The following EBF1 variants were observed in gnomAD, a reference collection of about 807,000 sequenced individuals.
EBF1 encodes the protein transcription factor COE1.
A neutral mutation model predicts 68.4 loss-of-function variants in EBF1; 10 were observed. That is an observed-to-expected ratio of 0.15 (90% CI 0.09 to 0.25). EBF1 has a LOEUF of 0.25. Among genes scored for constraint, EBF1 ranks in the 10% least tolerant of loss-of-function variants. The pLI is 1.00. For synonymous variants in EBF1, 298 were observed against 299.8 expected, an observed-to-expected ratio of 0.99 and a Z score of 0.06; for missense variants, 509 against 794.4, an observed-to-expected ratio of 0.64 and a Z score of 4.32.
In EBF1 at chr5:158,713,043, C is replaced by T; in HGVS notation, c.1296G>A (p.Gly432=). 1 of 1,596,638 alleles carries T rather than the reference C, an allele frequency of 6.3e-7. No individual in the cohort carries two copies. Among genetic ancestry groups the T allele is most frequent in the South Asian group, 1.1e-5 (1 of 88,240 alleles). Reference sequence around the variant, plus strand: ...CACTGAACGAATTCACGCCCATCATCCCTGCGTGGACCGAGGTGTTAGCAA... The same window carrying T: ...CACTGAACGAATTCACGCCCATCATTCCTGCGTGGACCGAGGTGTTAGCAA... The part of the protein sequence containing the change: ...PALANTSVHA[G]MMGVNSFSGQ... The change falls in exon 13 of 16, where the codon GGG becomes GGA. Residue 432 remains glycine, a synonymous_variant. Coordinates refer to ENST00000313708, the MANE Select transcript of EBF1 (RefSeq NM_024007.5).
chr5:159,085,932 G>A (rs1780565699), intron 4 of EBF1, among the ~76,000 whole-genome samples: 1 of 152,084 alleles, frequency 6.6e-6, no homozygotes, highest in South Asian at 2.1e-4. Context: ...GAGAACTGTG[G>A]TTATGGTATC....
chr5:158,703,517 T>C (rs1414936894), intron 15 of EBF1, among the ~76,000 whole-genome samples: 2 of 151,662 alleles, frequency 1.3e-5, no homozygotes, highest in Admixed American at 1.3e-4. Flanking sequence ...GAGCACCACA[T>C]TCTAAATGTT....
intron 5 of EBF1, among the ~76,000 whole-genome samples, chr5:159,074,378 T>C (rs1190071833): frequency 1.3e-5 from 2 of 152,208 alleles, no homozygotes; most frequent in Non-Finnish European, 2.9e-5. Context: ...AAAAACAAGA[T>C]CTGCACCAGG....
At position 158,884,335 on chromosome 5, in the gene EBF1, C is replaced by A. The variant is rs536115678; in HGVS notation, c.555-44225G>T. Among the ~76,000 whole-genome samples, 29 of 152,150 alleles carry A rather than the reference C, an allele frequency of 1.9e-4. No homozygotes were observed. The South Asian group carries it at 5.6e-3, about 29-fold the overall frequency. On this transcript the variant is annotated intron_variant, in intron 6 of 15. Coordinates refer to ENST00000313708, the MANE Select transcript of EBF1 (RefSeq NM_024007.5). ...GACTCTAACAAGTACTTGATTATAC[C>A]CTCTTTTGTAGATGAGAAATATGAA...
chr5:159,078,649 C>T (rs1393611464), intron 5 of EBF1, among the ~76,000 whole-genome samples: 1 of 152,152 alleles, frequency 6.6e-6, no homozygotes, highest in Non-Finnish European at 1.5e-5. Context: ...AAAAGCAGGC[C>T]ACTGTTTACA....
intron 6 of EBF1, among the ~76,000 whole-genome samples, chr5:158,918,600 CTG>C (rs572896193): frequency 8.3e-4 from 126 of 152,346 alleles, no homozygotes; most frequent in African/African-American, 2.8e-3. Context: ...CAGTGGAACA[CTG>C]TGTGTATAGT....
At chr5:158,715,422 G>A (rs1760438344) in intron 11 of EBF1, among the ~76,000 whole-genome samples, 2 of 152,080 alleles carry the variant, frequency 1.3e-5, no homozygotes, top group Admixed American at 1.3e-4. Context: ...ATACATATTA[G>A]CATTTTTCAA....
At chr5:158,976,120 G>T (rs892265424) in intron 6 of EBF1, among the ~76,000 whole-genome samples, 1 of 152,170 alleles carries the variant, frequency 6.6e-6, no homozygotes, top group Non-Finnish European at 1.5e-5. Flanking sequence ...TCCTTTTTAT[G>T]TAACACATGA....
chr5:159,002,154 A>C (rs533083552), intron 6 of EBF1, among the ~76,000 whole-genome samples: 87 of 142,004 alleles, frequency 6.1e-4, no homozygotes, highest in Middle Eastern at 7.5e-3. Context: ...CCCTCCCCCA[A>C]GCCTTTTTTT....
At chr5:158,735,155 A>G (rs963144049) in intron 10 of EBF1, among the ~76,000 whole-genome samples, 1 of 152,156 alleles carries the variant, frequency 6.6e-6, no homozygotes, top group Admixed American at 6.5e-5. Flanking sequence ...AAACTTTCCG[A>G]AAGGTACACA....
rs566212536 is a variant in EBF1, at chr5:158,976,136, G to T, written c.554+97260C>A. Reference sequence around the variant, plus strand: ...CCTTTTTATGTAACACATGAGTTAGGCTGACCTAGCCATTCATACATAGCA... The same window carrying T: ...CCTTTTTATGTAACACATGAGTTAGTCTGACCTAGCCATTCATACATAGCA... On this transcript the variant is annotated intron_variant, in intron 6 of 15. Transcript: ENST00000313708. Among the ~76,000 whole-genome samples, 6 of 152,272 alleles carry T rather than the reference G, an allele frequency of 3.9e-5. No individual in the cohort carries two copies. In the South Asian group the frequency reaches 6.2e-4, roughly 16 times the overall value.
intron 6 of EBF1, among the ~76,000 whole-genome samples, chr5:158,961,672 T>G (rs1371250061): frequency 6.6e-6 from 1 of 152,250 alleles, no homozygotes; most frequent in Non-Finnish European, 1.5e-5. Context: ...TGTATTCTTT[T>G]AAATTCTCTA....
At chr5:158,809,179 T>C (rs1175176150) in intron 8 of EBF1, among the ~76,000 whole-genome samples, 2 of 152,124 alleles carry the variant, frequency 1.3e-5, no homozygotes, top group African/African-American at 2.4e-5. Context: ...TTAACTAGCA[T>C]TGTTAAGTTT....
chr5:158,714,016 C>A, intron 12 of EBF1, 101 bp downstream of exon 12: 1 of 1,246,308 alleles, frequency 8.0e-7, no homozygotes, highest in Non-Finnish European at 1.2e-6. Flanking sequence ...AACTCATGCA[C>A]ATGGCTTTTA....
At chr5:159,074,426 A>G (rs1778369895) in intron 5 of EBF1, among the ~76,000 whole-genome samples, 1 of 152,236 alleles carries the variant, frequency 6.6e-6, no homozygotes, top group South Asian at 2.1e-4. Context: ...ATGGGGAGGG[A>G]GGTCCTCCAA....
intron 10 of EBF1, among the ~76,000 whole-genome samples, chr5:158,749,141 A>G (rs1053424175): frequency 6.6e-6 from 1 of 152,140 alleles, no homozygotes. Context: ...CTTCCCGAGT[A>G]TGTGGCCTCT....
At chr5:159,099,104 G>C (rs997434390) in intron 1 of EBF1, among the ~76,000 whole-genome samples, 1 of 152,182 alleles carries the variant, frequency 6.6e-6, no homozygotes, top group Admixed American at 6.5e-5. Context: ...CACAGACGAG[G>C]CAGGGGAAAG....
intron 6 of EBF1, among the ~76,000 whole-genome samples, chr5:158,871,409 T>C (rs1246968491): frequency 6.6e-6 from 1 of 152,196 alleles, no homozygotes; most frequent in Non-Finnish European, 1.5e-5. Flanking sequence ...AAAAATGCCA[T>C]ACAATTGCAT....
intron 10 of EBF1, among the ~76,000 whole-genome samples, chr5:158,741,724 C>T (rs1398919943): frequency 6.6e-6 from 1 of 152,076 alleles, no homozygotes; most frequent in Non-Finnish European, 1.5e-5. Context: ...TTTGTAGGGA[C>T]ACCTTGGTTG....
Sources: allele counts gnomAD v4.1 joint callset (sites outside exome capture counted in the v4.1 genomes callset), GRCh38; gene constraint gnomAD v4.1.1; transcripts MANE v1.5; gene names NCBI Gene and HGNC (gene_info 2026-07-23, HGNC 2026-07-21).